DNAH6: variants seen among roughly 807,000 people sequenced by gnomAD.
DNAH6 encodes the protein axonemal beta dynein heavy chain 6.
A neutral mutation model predicts 491.4 loss-of-function variants in DNAH6; 340 were observed. The observed-to-expected ratio is 0.69, with a 90% CI of 0.63 to 0.76. DNAH6 has a LOEUF of 0.76. Ranked by LOEUF, DNAH6 falls within the 30% of genes least tolerant of loss-of-function variation. DNAH6 has a pLI of 0.00. For missense variants in DNAH6, 4,443 were observed against 4,972.2 expected (o/e 0.89, Z 3.20); for synonymous variants, 1,603 against 1,686.1 (o/e 0.95, Z 1.21).
At chr2:84,632,311 T>A (rs746306558) in intron 29 of DNAH6, among the ~76,000 whole-genome samples, 1 of 152,134 alleles carries the variant, frequency 6.6e-6, no homozygotes, top group Non-Finnish European at 1.5e-5. Flanking sequence ...GTGGCACGCG[T>A]TCACCAAGTC....
At chr2:84,768,668 T>C (rs930448070) in intron 64 of DNAH6, among the ~76,000 whole-genome samples, 1 of 152,114 alleles carries the variant, frequency 6.6e-6, no homozygotes, top group Non-Finnish European at 1.5e-5. Flanking sequence ...ATAATATTAC[T>C]GAAGGAAATC....
chr2:84,740,454 A>G (rs1371873832), intron 62 of DNAH6, among the ~76,000 whole-genome samples: 2 of 152,180 alleles, frequency 1.3e-5, no homozygotes, highest in Admixed American at 1.3e-4. Context: ...ATGACAGGGC[A>G]CTGAGAAGAA....
At chr2:84,710,161 C>A in intron 55 of DNAH6, 126 bp from the exon 56 acceptor site, 1 of 1,235,470 alleles carries the variant, frequency 8.1e-7, no homozygotes, top group Non-Finnish European at 1.1e-6. Context: ...CAGGGGAGTA[C>A]AGTTTATATA....
intron 64 of DNAH6, among the ~76,000 whole-genome samples, chr2:84,767,337 G>C (rs2105158110): frequency 6.6e-6 from 1 of 151,994 alleles, no homozygotes; most frequent in Middle Eastern, 3.4e-3. Flanking sequence ...TTTGAGACCA[G>C]ACTGGACAAC....
intron 12 of DNAH6, among the ~76,000 whole-genome samples, chr2:84,574,822 A>G (rs1210959856): frequency 6.6e-6 from 1 of 152,156 alleles, no homozygotes; most frequent in Non-Finnish European, 1.5e-5. Context: ...CTAATCCCTG[A>G]GCTCTTCTAC....
intron 31 of DNAH6, among the ~76,000 whole-genome samples, chr2:84,638,010 G>T (rs113494723): frequency 1.3e-5 from 2 of 151,980 alleles, no homozygotes; most frequent in African/African-American, 4.8e-5. Context: ...TGGGAGGATC[G>T]CTTGAGTCCA....
At chr2:84,638,470 C>A (rs1242279870) in intron 31 of DNAH6, among the ~76,000 whole-genome samples, 2 of 151,986 alleles carry the variant, frequency 1.3e-5, no homozygotes, top group Non-Finnish European at 2.9e-5. Context: ...CTCCAGAAGA[C>A]CCCTTGTGTG....
chr2:84,702,360 G>A (rs1160139330), intron 49 of DNAH6, among the ~76,000 whole-genome samples: 1 of 152,118 alleles, frequency 6.6e-6, no homozygotes, highest in East Asian at 1.9e-4. Flanking sequence ...AATAGAAGCT[G>A]CTGTCATCAT....
chr2:84,539,350 G>A (rs1415916652), intron 4 of DNAH6, among the ~76,000 whole-genome samples: 2 of 151,928 alleles, frequency 1.3e-5, no homozygotes, highest in Non-Finnish European at 2.9e-5. Context: ...ACACATCCTG[G>A]CACTGCTCTG....
chr2:84,696,613 A>T (rs1695415674), intron 46 of DNAH6, among the ~76,000 whole-genome samples: 2 of 152,060 alleles, frequency 1.3e-5, no homozygotes, highest in South Asian at 2.1e-4. Context: ...CTCTTGGGGA[A>T]AATTGACAGA....
At chr2:84,649,735 T>C (rs1690238947) in intron 33 of DNAH6, among the ~76,000 whole-genome samples, 1 of 151,974 alleles carries the variant, frequency 6.6e-6, no homozygotes, top group Non-Finnish European at 1.5e-5. Context: ...CATGTTCCTT[T>C]TCAGGGACAT....
chr2:84,791,352 A>G (rs183141410), intron 68 of DNAH6, among the ~76,000 whole-genome samples: 152 of 152,256 alleles, frequency 1.0e-3, no homozygotes, highest in Non-Finnish European at 1.8e-3. Flanking sequence ...CCACCATAAA[A>G]AGGAATAAAG....
chr2:84,524,380 T>C (rs967776460), intron 2 of DNAH6, among the ~76,000 whole-genome samples: 8 of 151,964 alleles, frequency 5.3e-5, no homozygotes, highest in African/African-American at 1.4e-4. Context: ...CAGCATATCA[T>C]TGGGTCTTGT....
At chr2:84,637,866 C>G (rs963548797) in intron 31 of DNAH6, among the ~76,000 whole-genome samples, 1 of 152,070 alleles carries the variant, frequency 6.6e-6, no homozygotes, top group Non-Finnish European at 1.5e-5. Context: ...TTTGTTTTTT[C>G]TGTATCTACT....
chr2:84,504,608 G>C, the DNAH6 span, among the ~76,000 whole-genome samples: 1 of 152,154 alleles, frequency 6.6e-6, no homozygotes, highest in South Asian at 2.1e-4. Context: ...AGCTGTGTCT[G>C]CTTGAGGGAG....
chr2:84,706,905 G>A lies in DNAH6; in HGVS notation c.8737G>A (p.Asp2913Asn). 6.5e-7 allele frequency: 1 copy of A among 1,540,722 alleles called. No individual in the cohort carries two copies. Among genetic ancestry groups the A allele is most frequent in the Non-Finnish European group, 8.7e-7 (1 of 1,144,816 alleles). ...TGCTTGATTTTATTAGGCTGAACTT[G>A]ACATTACCATGGCTACCCTGAGAGA... ...QKLRAAQAEL[D>N]ITMATLREKQ... Residue 2913 changes from aspartate (D) to asparagine (N), a missense_variant, in exon 53 of 77, where the codon GAC becomes AAC. This residue lies in a region of DNAH6 where 1,463 missense variants were observed against 1,656.6 expected (regional missense o/e 0.88). Transcript: ENST00000389394.
intron 4 of DNAH6, among the ~76,000 whole-genome samples, chr2:84,540,078 G>A (rs545334274): frequency 6.6e-6 from 1 of 152,262 alleles, no homozygotes; most frequent in East Asian, 1.9e-4. Context: ...ACCACTTAGA[G>A]TTGTATAGGG....
intron 33 of DNAH6, among the ~76,000 whole-genome samples, chr2:84,644,706 C>T (rs910495837): frequency 6.6e-6 from 1 of 152,140 alleles, no homozygotes; most frequent in Non-Finnish European, 1.5e-5. Context: ...ATGTTCTGTT[C>T]CTGCATTAGT....
chr2:84,498,320 A>T, the DNAH6 span, among the ~76,000 whole-genome samples: 1 of 152,278 alleles, frequency 6.6e-6, no homozygotes, highest in East Asian at 1.9e-4. Flanking sequence ...CCCTGTCTTT[A>T]GACTCTCAGC....
Sources: gnomAD v4.1 joint callset for allele counts (sites outside exome capture counted in the v4.1 genomes callset) on GRCh38, gnomAD v4.1.1 for gene constraint, gnomAD v4.1.1 regional missense constraint, MANE v1.5 for transcripts, NCBI Gene and HGNC (gene_info 2026-07-23, HGNC 2026-07-21) for gene names.